SPINK14: variants seen among roughly 807,000 people sequenced by gnomAD.
The protein encoded by SPINK14 is serine peptidase inhibitor Kazal type 14 (putative), also known as serine protease inhibitor Kazal-type 14.
Under a neutral mutation model 14.2 loss-of-function variants are expected in SPINK14, and 6 were observed. That is an observed-to-expected ratio of 0.42 (90% CI 0.23 to 0.83). SPINK14 has a LOEUF of 0.83. Ranked by LOEUF, SPINK14 falls within the 40% of genes least tolerant of loss-of-function variation. SPINK14 has a pLI of 0.28. For synonymous variants in SPINK14, 34 were observed against 36.8 expected (o/e 0.92, Z 0.27); for missense variants, 86 against 108.3 (o/e 0.79, Z 0.91).
intron 1 of SPINK14, 57 bp from the exon 2 acceptor site, chr5:148,169,604 G>A: frequency 3.1e-6 from 2 of 642,152 alleles, no homozygotes; most frequent in South Asian, 2.1e-5. Flanking sequence ...AATGGGTGGA[G>A]TAGAGATGGC....
Position 148,173,952 on chromosome 5 carries a change from T to C in SPINK14, c.112-282T>C, listed in dbSNP as rs561878946. Among the ~76,000 whole-genome samples the C allele has an allele frequency of 1.7e-4, 14 of 83,870 alleles. 3 individuals carry two copies. Among genetic ancestry groups the C allele is most frequent in the Admixed American group, 1.6e-3 (14 of 8,932 alleles). 55.0% of individuals were successfully genotyped at this position (83,870 alleles called of 152,430 possible). On this transcript the variant is annotated intron_variant, in intron 3 of 4. Coordinates refer to ENST00000356972, the MANE Select transcript of SPINK14 (RefSeq NM_001001325.2). ...GCTCACTGCAGTCAAGTGATCCTCC[T>C]GCCCCATCCTTCTGAGAAGCTGGGA...
chr5:148,169,146 C>T (rs1755067990), intron 1 of SPINK14, among the ~76,000 whole-genome samples: 1 of 152,104 alleles, frequency 6.6e-6, no homozygotes, highest in Admixed American at 6.6e-5. Context: ...TGATTTTTCT[C>T]CCTGTGAATG....
intron 2 of SPINK14, among the ~76,000 whole-genome samples, chr5:148,170,152 C>T (rs1364046932): frequency 1.4e-5 from 2 of 139,426 alleles, no homozygotes; most frequent in Non-Finnish European, 3.0e-5. Flanking sequence ...TATACACATA[C>T]TCAGAGTATA....
rs111814689 is a variant in SPINK14, at chr5:148,170,211, T to G, written c.67+412T>G. Among the ~76,000 whole-genome samples, 1,144 of 149,036 alleles carry G rather than the reference T, an allele frequency of 7.7e-3. 7 individuals carry two copies. Among genetic ancestry groups the G allele is most frequent in the East Asian group, 0.04 (199 of 5,032 alleles). ...ACACACACACATACATATATATATA[T>G]ATAGAGAGAGAGAGTCTAAAAGACT... On this transcript the variant is annotated intron_variant, in intron 2 of 4. Transcript: ENST00000356972.
chr5:148,170,997 C>A, intron 3 of SPINK14, 24 bp downstream of exon 3: 1 of 1,607,236 alleles, frequency 6.2e-7, no homozygotes. Flanking sequence ...AAATTTCCCC[C>A]CAGGACTTAC....
intron 4 of SPINK14, 124 bp downstream of exon 4, chr5:148,174,494 A>G: frequency 1.8e-6 from 1 of 550,078 alleles, no homozygotes; most frequent in Non-Finnish European, 2.9e-6. Flanking sequence ...CACACAGATA[A>G]TAATCAGCAC....
rs76640786 is a variant in SPINK14, at chr5:148,172,464, T to C, written c.111+1491T>C. On this transcript the variant is annotated intron_variant, in intron 3 of 4. Coordinates refer to ENST00000356972, the MANE Select transcript of SPINK14 (RefSeq NM_001001325.2). ...CTTACTCTTGTCTTTGATAACTGTA[T>C]ATTCTTTCAGATTCAACTATTTTAT... 7.2e-3 allele frequency among the ~76,000 whole-genome samples: 1,098 copies of C among 152,300 alleles called. 46 individuals carry two copies. The East Asian group carries it at 0.13, about 18-fold the overall frequency.
intron 1 of SPINK14, among the ~76,000 whole-genome samples, chr5:148,168,900 A>C (rs1352660522): frequency 6.6e-6 from 1 of 152,182 alleles, no homozygotes; most frequent in East Asian, 1.9e-4. Flanking sequence ...TGTGTTGCAG[A>C]CAGAGATAAA....
chr5:148,169,107 CT>C (rs1195725479), intron 1 of SPINK14, among the ~76,000 whole-genome samples: 4 of 152,250 alleles, frequency 2.6e-5, no homozygotes, highest in African/African-American at 9.6e-5. Flanking sequence ...ATTAAAATAG[CT>C]GTGGGACCCC....
In SPINK14 at chr5:148,170,992, TC is replaced by T. The variant is rs773138205; in HGVS notation, c.111+25del. ...TATTAAGGTAATGTTCCATTAAATT[TC>T]CCCCCAGGACTTACATTATAATATG... On this transcript the variant is annotated intron_variant, in intron 3 of 4. Transcript: ENST00000356972. 2.6e-5 allele frequency: 42 copies of T among 1,610,250 alleles called. No homozygotes were observed. In the African/African-American group the frequency reaches 3.5e-4, roughly 13 times the overall value.
At chr5:148,169,974 T>TATATAC (rs1451925310) in intron 2 of SPINK14, among the ~76,000 whole-genome samples, 175 bp downstream of exon 2, 1 of 147,828 alleles carries the variant, frequency 6.8e-6, no homozygotes, top group Non-Finnish European at 1.5e-5. Flanking sequence ...TGTATATATA[T>TATATAC]ATTTATATAT....
rs1395213695 is a variant in SPINK14, at chr5:148,173,883, GTCTTAC to G, written c.112-349_112-344del. 2.5e-5 allele frequency among the ~76,000 whole-genome samples: 2 copies of G among 81,532 alleles called. 1 individual carries two copies. The highest frequency in any genetic ancestry group is 5.0e-5 in the Non-Finnish European group (2 of 39,788). The allele number at this position is 81,532 out of a possible 152,430, so 53.5% of individuals were successfully genotyped here. ...TTTTTTTTTTTTTTTTTTAGGTGGGGTCTTACTGTGTTGCCTAGGCTGGAGTGGAAT... is the reference window on the plus strand; with the variant it reads ...TTTTTTTTTTTTTTTTTTAGGTGGGGTGTGTTGCCTAGGCTGGAGTGGAAT... On this transcript the variant is annotated intron_variant, in intron 3 of 4. Transcript: ENST00000356972.
intron 3 of SPINK14, among the ~76,000 whole-genome samples, chr5:148,171,952 C>T (rs1326226364): frequency 6.6e-6 from 1 of 152,100 alleles, no homozygotes; most frequent in Non-Finnish European, 1.5e-5. Flanking sequence ...CTCACTTTTA[C>T]TTATTTTCTT....
At chr5:148,171,023 CT>C (rs537399001) in intron 3 of SPINK14, 50 bp downstream of exon 3, 669 of 1,524,668 alleles carry the variant, frequency 4.4e-4, no homozygotes, top group Admixed American at 7.4e-4. Context: ...AATATGAGTT[CT>C]TTTTTTTTGG....
Position 148,175,236 on chromosome 5 carries a change from C to G in SPINK14, c.249-117C>G. The G allele has an allele frequency of 7.3e-6, 5 of 684,316 alleles. No homozygotes were observed. The South Asian group carries it at 7.3e-5, about 10-fold the overall frequency. 42.4% of individuals were successfully genotyped at this position (684,316 alleles called of 1,614,324 possible). A position where few individuals can be genotyped will look rare whatever the true frequency, so the allele number is the denominator to read the frequency against. On this transcript the variant is annotated intron_variant, in intron 4 of 4. Transcript: ENST00000356972. ...GTCATTAGTCAATTCCCTTTACACTCTGGATCTTAGTTTTTCCAAATATAA... is the reference window on the plus strand; with the variant it reads ...GTCATTAGTCAATTCCCTTTACACTGTGGATCTTAGTTTTTCCAAATATAA...
At chr5:148,170,997 C>G in intron 3 of SPINK14, 24 bp downstream of exon 3, 1 of 1,607,236 alleles carries the variant, frequency 6.2e-7, no homozygotes, top group Non-Finnish European at 8.5e-7. Context: ...AAATTTCCCC[C>G]CAGGACTTAC....
chr5:148,175,431 T>G lies in SPINK14; in HGVS notation c.*33T>G. On this transcript the variant is annotated 3_prime_UTR_variant, in exon 5 of 5. Coordinates refer to ENST00000356972, the MANE Select transcript of SPINK14 (RefSeq NM_001001325.2). Reference sequence around the variant, plus strand: ...GACTTGAATGTGGAAGATATCTTCTTTTTTTTTTCCTCCATGTCTCCAATC... The same window carrying G: ...GACTTGAATGTGGAAGATATCTTCTGTTTTTTTTCCTCCATGTCTCCAATC... 6.8e-7 allele frequency: 1 copy of G among 1,467,298 alleles called. No homozygotes were observed. The highest frequency in any genetic ancestry group is 9.3e-7 in the Non-Finnish European group (1 of 1,077,848). The allele number at this position is 1,467,298 out of a possible 1,614,324, so 90.9% of individuals were successfully genotyped here. A position where few individuals can be genotyped will look rare whatever the true frequency, so the allele number is the denominator to read the frequency against.
At chr5:148,170,731 G>T (rs1263511309) in intron 2 of SPINK14, among the ~76,000 whole-genome samples, 199 bp from the exon 3 acceptor site, 1 of 152,040 alleles carries the variant, frequency 6.6e-6, no homozygotes, top group African/African-American at 2.4e-5. Flanking sequence ...CATCTATATA[G>T]TCCCCTGCTG....
rs1384719328 is a variant in SPINK14 at position 148,169,702 on chromosome 5, G to A, written c.-31G>A. 1 of 1,569,426 alleles carries A rather than the reference G, an allele frequency of 6.4e-7. No individual in the cohort carries two copies. Among genetic ancestry groups the A allele is most frequent in the Non-Finnish European group, 8.7e-7 (1 of 1,143,048 alleles). ...CAACAACCTGAGACAATATTTCAGAGCATCATTCCAAGGACACACCAGGAG... is the reference window on the plus strand; with the variant it reads ...CAACAACCTGAGACAATATTTCAGAACATCATTCCAAGGACACACCAGGAG... On this transcript the variant is annotated 5_prime_UTR_variant, in exon 2 of 5. Coordinates refer to ENST00000356972, the MANE Select transcript of SPINK14 (RefSeq NM_001001325.2).
Sources: gnomAD v4.1 joint callset for allele counts (sites outside exome capture counted in the v4.1 genomes callset) on GRCh38, gnomAD v4.1.1 for gene constraint, MANE v1.5 for transcripts, NCBI Gene and HGNC (gene_info 2026-07-23, HGNC 2026-07-21) for gene names.